The following TENM2 variants were observed in gnomAD, a reference collection of about 807,000 sequenced individuals.
The protein encoded by TENM2 is teneurin-2.
Under a neutral mutation model 245.2 loss-of-function variants are expected in TENM2, and 52 were observed. The ratio of observed to expected loss-of-function variants is 0.21; its 90% CI spans 0.17 to 0.27. The LOEUF is 0.27. TENM2 is among the 10% of genes least tolerant of loss of function. TENM2 has a pLI of 1.00. For synonymous variants in TENM2, 1,363 were observed against 1,438.9 expected, an observed-to-expected ratio of 0.95 and a Z score of 1.19; for missense variants, 3,046 against 3,666.8, an observed-to-expected ratio of 0.83 and a Z score of 4.37.
chr5:168,098,886 C>A (rs960164041), intron 9 of TENM2, among the ~76,000 whole-genome samples: 3 of 151,974 alleles, frequency 2.0e-5, no homozygotes, highest in Admixed American at 6.6e-5. Context: ...TATTTTACTC[C>A]ATGTTTCTTT....
At chr5:167,207,799 G>A in the TENM2 span, among the ~76,000 whole-genome samples, 1 of 152,166 alleles carries the variant, frequency 6.6e-6, no homozygotes, top group South Asian at 2.1e-4. Context: ...TGTTGCCCAG[G>A]CTGGAGTGCA....
chr5:167,843,108 A>G (rs927549576), intron 2 of TENM2, among the ~76,000 whole-genome samples: 1 of 152,126 alleles, frequency 6.6e-6, no homozygotes, highest in Non-Finnish European at 1.5e-5. Flanking sequence ...TGTGTCCTCA[A>G]TGCCCAGTGC....
At chr5:167,084,330 TATATATATATATATA>T in the TENM2 span, among the ~76,000 whole-genome samples, 2 of 60,606 alleles carry the variant, frequency 3.3e-5, no homozygotes, top group Non-Finnish European at 6.1e-5. Flanking sequence ...ATTTTAGTTA[TATATATATATATATA>T]TATATATATA....
At chr5:167,375,235 G>C in exon 2 of TENM2, 1 of 1,551,686 alleles carries the variant, frequency 6.4e-7, no homozygotes, top group Non-Finnish European at 8.7e-7. Context: ...GCATCTGTGA[G>C]CCCTCCCCAC....
chr5:167,304,934 C>T (rs1755580181), intron 1 of TENM2, among the ~76,000 whole-genome samples: 1 of 152,148 alleles, frequency 6.6e-6, no homozygotes, highest in African/African-American at 2.4e-5. Flanking sequence ...CTTTCTATCT[C>T]CCTTAGAACC....
chr5:167,829,097 C>T (rs1471695863), intron 2 of TENM2, among the ~76,000 whole-genome samples: 1 of 152,166 alleles, frequency 6.6e-6, no homozygotes, highest in Non-Finnish European at 1.5e-5. Flanking sequence ...TTGAAGCTCT[C>T]TTATTTTCTT....
chr5:168,086,244 C>T (rs1792447419), intron 7 of TENM2, among the ~76,000 whole-genome samples: 1 of 152,198 alleles, frequency 6.6e-6, no homozygotes, highest in African/African-American at 2.4e-5. Flanking sequence ...CTGCTCTCCT[C>T]CCGCTCCTCT....
chr5:167,749,979 A>G (rs1011035993), intron 2 of TENM2, among the ~76,000 whole-genome samples: 7 of 152,076 alleles, frequency 4.6e-5, no homozygotes, highest in African/African-American at 1.7e-4. Context: ...CACCATCATC[A>G]TCTCCCTTTG....
At chr5:167,202,575 C>T in the TENM2 span, among the ~76,000 whole-genome samples, 1 of 152,086 alleles carries the variant, frequency 6.6e-6, no homozygotes. Context: ...TAATCATGTC[C>T]ACAGTTGAAT....
chr5:167,348,857 G>A (rs1475910343), intron 1 of TENM2, among the ~76,000 whole-genome samples: 1 of 152,072 alleles, frequency 6.6e-6, no homozygotes, highest in Admixed American at 6.5e-5. Context: ...CTTTCAGTTC[G>A]TGATCTCAGA....
intron 4 of TENM2, among the ~76,000 whole-genome samples, chr5:167,956,484 C>T (rs1780567076): frequency 6.6e-6 from 1 of 152,098 alleles, no homozygotes; most frequent in South Asian, 2.1e-4. Context: ...GCCTGATTTC[C>T]CTCGCCAGAA....
chr5:167,540,011 A>G (rs191923079), intron 2 of TENM2, among the ~76,000 whole-genome samples: 1 of 152,328 alleles, frequency 6.6e-6, no homozygotes. Context: ...TCATGCATGC[A>G]AAAACAGTGC....
At chr5:167,641,150 A>G (rs1779587756) in intron 2 of TENM2, among the ~76,000 whole-genome samples, 1 of 152,020 alleles carries the variant, frequency 6.6e-6, no homozygotes, top group Admixed American at 6.6e-5. Flanking sequence ...TTTTGTAATT[A>G]ATGAAGCCTT....
chr5:167,559,037 G>A (rs953158110), intron 2 of TENM2, among the ~76,000 whole-genome samples: 12 of 152,158 alleles, frequency 7.9e-5, no homozygotes, highest in Admixed American at 5.9e-4. Flanking sequence ...CCAGGGCCTG[G>A]CACATAGTGG....
chr5:167,270,061 T>A, the TENM2 span, among the ~76,000 whole-genome samples: 1 of 152,190 alleles, frequency 6.6e-6, no homozygotes, highest in South Asian at 2.1e-4. Context: ...ACAGGCCAAG[T>A]GCATCTAATT....
chr5:167,778,671 T>C (rs550719668), intron 2 of TENM2, among the ~76,000 whole-genome samples: 1 of 152,284 alleles, frequency 6.6e-6, no homozygotes, highest in Non-Finnish European at 1.5e-5. Flanking sequence ...CACAATAGTA[T>C]ATAGTCAACA....
At chr5:167,294,269 C>G (rs1754822695) in intron 1 of TENM2, 1 of 152,044 alleles carries the variant, frequency 6.6e-6, no homozygotes, top group South Asian at 2.1e-4. Flanking sequence ...TTGGAGGTAT[C>G]CTGTAGGCTC....
rs1765694818 is a variant in TENM2 at position 167,801,106 on chromosome 5, A to AT, written c.503-74880_503-74879insT. On this transcript the variant is annotated intron_variant, in intron 2 of 28. Transcript: ENST00000518659. ...AATGTATTTGAAAAGAAAAAAAAAA[A>AT]AAAATATATATATATATATATATAT... Among the ~76,000 whole-genome samples, 12 of 64,846 alleles carry AT rather than the reference A, an allele frequency of 1.9e-4. 1 individual carries two copies. The highest frequency in any genetic ancestry group is 6.9e-4 in the African/African-American group (10 of 14,528). The allele number at this position is 64,846 out of a possible 152,430, so 42.5% of individuals were successfully genotyped here.
At chr5:167,185,203 G>T in the TENM2 span, among the ~76,000 whole-genome samples, 4 of 152,110 alleles carry the variant, frequency 2.6e-5, no homozygotes, top group East Asian at 3.9e-4. Flanking sequence ...ACTGTTGCAT[G>T]ACTGAATCTT....
Sources: gnomAD v4.1 joint callset for allele counts (sites outside exome capture counted in the v4.1 genomes callset) on GRCh38, gnomAD v4.1.1 for gene constraint, MANE v1.5 for transcripts, NCBI Gene and HGNC (gene_info 2026-07-23, HGNC 2026-07-21) for gene names.